The following FLNB variants were observed in gnomAD, a reference collection of about 807,000 sequenced individuals.
FLNB encodes the protein filamin-B.
Under a neutral mutation model 250.6 loss-of-function variants are expected in FLNB, and 111 were observed. The ratio of observed to expected loss-of-function variants is 0.44; its 90% CI spans 0.38 to 0.52. The LOEUF is 0.52. Ranked by LOEUF, FLNB falls within the 20% of genes least tolerant of loss-of-function variation. FLNB has a pLI of 0.00. For synonymous variants in FLNB, 1,302 were observed against 1,372.1 expected (o/e 0.95, Z 1.13); for missense variants, 2,869 against 3,447.8 (o/e 0.83, Z 4.20).
At position 58,109,589 on chromosome 3, in the gene FLNB, A is replaced by T; in HGVS notation, c.2213A>T (p.Gln738Leu). The change falls in exon 15 of 46, where the codon CAA becomes CTA. Residue 738 changes from glutamine to leucine, a missense_variant. Transcript: ENST00000295956. ...TGTCTTCTCTAGGTCAACATCGGGC[A>T]AGGTAGCCATCCTCAGAAGGTCAAA... Reference protein sequence around the residue: ...PHSPYRVNIGQGSHPQKVKVF... With the variant: ...PHSPYRVNIGLGSHPQKVKVF... The T allele has an allele frequency of 6.2e-7, 1 of 1,614,212 alleles. No individual in the cohort carries two copies. The highest frequency in any genetic ancestry group is 8.5e-7 in the Non-Finnish European group (1 of 1,180,038).
At chr3:58,115,828 T>G (rs12630504) in intron 18 of FLNB, among the ~76,000 whole-genome samples, 110,782 of 152,072 alleles carry the variant, frequency 0.73, 41,594 homozygotes, top group East Asian at 1. Flanking sequence ...AGTCCTCAGG[T>G]AAATCACAAG....
chr3:58,083,003 C>T (rs1228747317), intron 4 of FLNB, among the ~76,000 whole-genome samples: 1 of 152,162 alleles, frequency 6.6e-6, no homozygotes, highest in Non-Finnish European at 1.5e-5. Flanking sequence ...CACTAAGCTT[C>T]TCCTAAGAAT....
intron 29 of FLNB, among the ~76,000 whole-genome samples, chr3:58,140,023 CT>C (rs1448920886): frequency 6.6e-6 from 1 of 152,234 alleles, no homozygotes; most frequent in Non-Finnish European, 1.5e-5. Context: ...CCACTGCCCC[CT>C]GACCACTGCT....
chr3:58,115,018 G>A lies in FLNB; in HGVS notation c.2745+2700G>A, dbSNP rs1325698133. 2.0e-5 allele frequency among the ~76,000 whole-genome samples: 3 copies of A among 152,106 alleles called. No homozygotes were observed. The East Asian group carries it at 5.8e-4, about 29-fold the overall frequency. On this transcript the variant is annotated intron_variant, in intron 18 of 45. Transcript: ENST00000295956. ...GGTTTGCCTTTTCACGCCGTTAACAGTTCTCGTGTGCAGGTTATAAACGCG... is the reference window on the plus strand; with the variant it reads ...GGTTTGCCTTTTCACGCCGTTAACAATTCTCGTGTGCAGGTTATAAACGCG...
rs2106946537 is a variant in FLNB, at chr3:58,077,119, C to T, written c.366C>T (p.Ser122=). ...GLVWTLILHY[S]ISMPVWEDEG... ...TGTGGACGCTGATCCTCCACTACTC[C>T]ATCTCCATGCCCGTGTGGGAGGATG... The change falls in exon 2 of 46, where the codon TCC becomes TCT. Residue 122 remains serine (S), a synonymous_variant. Transcript: ENST00000295956. 1.2e-6 allele frequency: 2 copies of T among 1,614,128 alleles called. No homozygotes were observed. Among genetic ancestry groups the T allele is most frequent in the Middle Eastern group, 1.6e-4 (1 of 6,062 alleles).
chr3:58,080,814 A>G (rs111713059), intron 3 of FLNB, among the ~76,000 whole-genome samples: 2,519 of 136,468 alleles, frequency 0.018, 75 homozygotes, highest in African/African-American at 0.067. Context: ...TTAAAGAGAC[A>G]GCGTCTTACT....
At chr3:58,144,981 A>G (rs1200687144) in intron 32 of FLNB, among the ~76,000 whole-genome samples, 1 of 152,208 alleles carries the variant, frequency 6.6e-6, no homozygotes, top group African/African-American at 2.4e-5. Flanking sequence ...GAGCAATGTA[A>G]ACATTGGAGA....
chr3:58,058,293 T>G (rs9825005), intron 1 of FLNB, among the ~76,000 whole-genome samples: 8,765 of 152,236 alleles, frequency 0.058, 803 homozygotes, highest in African/African-American at 0.2. Flanking sequence ...CTGGAGGTTC[T>G]GAAGGTTTCC....
At chr3:58,108,650 A>G (rs1341525587) in intron 13 of FLNB, 79 bp downstream of exon 13, 6 of 859,278 alleles carry the variant, frequency 7.0e-6, no homozygotes, top group East Asian at 2.5e-5. Context: ...TGCTGAGTCC[A>G]TCTGATCTTC....
At chr3:58,062,587 T>C (rs756098979) in intron 1 of FLNB, among the ~76,000 whole-genome samples, 1 of 152,192 alleles carries the variant, frequency 6.6e-6, no homozygotes, top group Non-Finnish European at 1.5e-5. Flanking sequence ...TTGTGTTTAA[T>C]TTTCTATCAG....
chr3:58,108,679 G>A (rs377131463), intron 13 of FLNB, 108 bp downstream of exon 13: 59 of 730,672 alleles, frequency 8.1e-5, no homozygotes, highest in East Asian at 4.5e-4. Flanking sequence ...CATCTGCACC[G>A]TGGAAATGAT....
chr3:58,015,155 C>A (rs1264299417), intron 1 of FLNB, among the ~76,000 whole-genome samples: 1 of 152,244 alleles, frequency 6.6e-6, no homozygotes. Context: ...ACCAGCTGTG[C>A]AACTCTAGTC....
At position 58,112,214 on chromosome 3, in the gene FLNB, A is replaced by C. The variant is rs372200549; in HGVS notation, c.2641A>C (p.Asn881His). The C allele has an allele frequency of 1.9e-5, 31 of 1,614,046 alleles. No individual in the cohort carries two copies. The highest frequency in any genetic ancestry group is 2.5e-5 in the Non-Finnish European group (30 of 1,179,994). ...CAAGGGGGCTGGGAAAGCCCCGCTC[A>C]ACGTGCAGTTCAACAGCCCTCTTCC... Reference protein sequence around the residue: ...YTKGAGKAPLNVQFNSPLPGD... With the variant: ...YTKGAGKAPLHVQFNSPLPGD... Residue 881 changes from asparagine to histidine, a missense_variant, in exon 18 of 46, where the codon AAC (asparagine) becomes CAC (histidine). Physicochemically the swap from Asn to His is moderately conservative, Grantham distance 68. Around this residue, in one of 5 missense-constraint regions of FLNB, gnomAD observed 1,348 missense variants for 1,466.7 expected, o/e 0.92. Transcript: ENST00000295956.
chr3:58,063,767 A>G lies in FLNB; in HGVS notation c.293-13279A>G, dbSNP rs560011186. On this transcript the variant is annotated intron_variant, in intron 1 of 45. Coordinates refer to ENST00000295956, the MANE Select transcript of FLNB (RefSeq NM_001457.4). Reference sequence around the variant, plus strand: ...TGTAACTTGAGGTGAGTTACAGGGGAAAAATGGAAGCTGATTTCTCCCCTT... The same window carrying G: ...TGTAACTTGAGGTGAGTTACAGGGGGAAAATGGAAGCTGATTTCTCCCCTT... Among the ~76,000 whole-genome samples, 7 of 152,324 alleles carry G rather than the reference A, an allele frequency of 4.6e-5. No individual in the cohort carries two copies. The East Asian group carries it at 1.3e-3, about 29-fold the overall frequency.
intron 1 of FLNB, among the ~76,000 whole-genome samples, chr3:58,054,524 C>T (rs934866786): frequency 2.0e-5 from 3 of 152,154 alleles, no homozygotes; most frequent in Non-Finnish European, 2.9e-5. Context: ...AACTTACAAT[C>T]ATGGCAGAAG....
At chr3:58,101,713 GT>G (rs1356867315) in intron 8 of FLNB, among the ~76,000 whole-genome samples, 2 of 152,212 alleles carry the variant, frequency 1.3e-5, no homozygotes, top group Non-Finnish European at 2.9e-5. Context: ...TTGCCTGGTT[GT>G]TCAGGCGGAA....
intron 1 of FLNB, among the ~76,000 whole-genome samples, chr3:58,044,305 T>G (rs891451052): frequency 6.6e-6 from 1 of 152,054 alleles, no homozygotes; most frequent in South Asian, 2.1e-4. Flanking sequence ...AAGATGATGA[T>G]AAATAGTATT....
rs2097336569 is a variant in FLNB, at chr3:58,146,867, T to A, written c.5602T>A (p.Cys1868Ser). ...IEGPSKAEIS[C>S]IDNKDGTCTV... is the part of the protein sequence containing the mutation. ...GGGCCCCTCAAAAGCAGAAATCAGC[T>A]GCATTGACAATAAAGATGGGACATG... is the stretch of plus-strand genomic sequence containing the variant. Residue 1868 changes from cysteine to serine, a missense_variant, in exon 34 of 46, where the codon TGC (cysteine) becomes AGC (serine). By Grantham distance (112) the Cys-to-Ser change is moderately radical (BLOSUM62 -1). This residue lies in a region of FLNB where 1,084 missense variants were observed against 1,315.5 expected (regional missense o/e 0.82). Coordinates refer to ENST00000295956, the MANE Select transcript of FLNB (RefSeq NM_001457.4). 1.2e-6 allele frequency: 2 copies of A among 1,614,074 alleles called. No homozygotes were observed. Among genetic ancestry groups the A allele is most frequent in the African/African-American group, 2.7e-5 (2 of 74,924 alleles).
In FLNB at chr3:58,141,775, G is replaced by A. The variant is rs908937948; in HGVS notation, c.5110-83G>A. ...CACTGCAGTTCAAGATGGAGCAGTG[G>A]GGGAAGCAGCTCTGTGGTGGTAGTC... is the stretch of plus-strand genomic sequence containing the variant. On this transcript the variant is annotated intron_variant, in intron 29 of 45. Transcript: ENST00000295956. 115 of 1,274,166 alleles carry A rather than the reference G, an allele frequency of 9.0e-5. 2 individuals carry two copies. Among genetic ancestry groups the A allele is most frequent in the Non-Finnish European group, 1.1e-4 (95 of 869,810 alleles). 78.9% of individuals were successfully genotyped at this position (1,274,166 alleles called of 1,614,324 possible). A position where few individuals can be genotyped will look rare whatever the true frequency, so the allele number is the denominator to read the frequency against.
Sources: gnomAD v4.1 joint callset for allele counts (sites outside exome capture counted in the v4.1 genomes callset) on GRCh38, gnomAD v4.1.1 for gene constraint, gnomAD v4.1.1 regional missense constraint, MANE v1.5 for transcripts, NCBI Gene and HGNC (gene_info 2026-07-23, HGNC 2026-07-21) for gene names.